The following ITGA9 variants were observed in gnomAD, a reference collection of about 807,000 sequenced individuals.
ITGA9 encodes integrin subunit alpha 9.
ITGA9 carries 56 observed loss-of-function variants against 127.8 expected under a neutral mutation model. The ratio of observed to expected loss-of-function variants is 0.44; its 90% CI spans 0.35 to 0.55. The LOEUF is 0.55. ITGA9 is among the 20% of genes least tolerant of loss of function. The pLI, the probability that ITGA9 is intolerant of heterozygous loss-of-function variation, is 0.00. For missense variants in ITGA9, 1,196 were observed against 1,347.1 expected (o/e 0.89, Z 1.76); for synonymous variants, 508 against 514.5 (o/e 0.99, Z 0.17).
intron 23 of ITGA9, 101 bp from the exon 24 acceptor site, chr3:37,777,291 T>G: frequency 1.5e-6 from 2 of 1,321,620 alleles, no homozygotes; most frequent in Non-Finnish European, 2.2e-6. Context: ...GGAGGAAAGG[T>G]GAATTGGGGT....
At chr3:37,769,898 T>C (rs1696822698) in intron 23 of ITGA9, among the ~76,000 whole-genome samples, 1 of 152,124 alleles carries the variant, frequency 6.6e-6, no homozygotes, top group African/African-American at 2.4e-5. Flanking sequence ...CAGGTGGTGT[T>C]TGGGCTTCAG....
chr3:37,635,954 C>A (rs1438932338), intron 16 of ITGA9, among the ~76,000 whole-genome samples: 1 of 151,796 alleles, frequency 6.6e-6, no homozygotes, highest in Non-Finnish European at 1.5e-5. Flanking sequence ...CTACAAAGGA[C>A]ACGAAGTCAT....
At chr3:37,779,766 T>A (rs1018116929) in intron 24 of ITGA9, 136 bp from the exon 25 acceptor site, 2 of 833,202 alleles carry the variant, frequency 2.4e-6, no homozygotes, top group Admixed American at 3.9e-5. Context: ...GAAAGAACGA[T>A]TGCATCTTCT....
chr3:37,695,858 G>A (rs1433500041), intron 18 of ITGA9, among the ~76,000 whole-genome samples: 1 of 152,222 alleles, frequency 6.6e-6, no homozygotes. Flanking sequence ...TAAGAAATGG[G>A]CATTTCAGGG....
chr3:37,651,330 T>G (rs1387292303), intron 16 of ITGA9, among the ~76,000 whole-genome samples: 1 of 152,232 alleles, frequency 6.6e-6, no homozygotes, highest in Non-Finnish European at 1.5e-5. Flanking sequence ...TCTTTGCATC[T>G]CACATGGCTA....
intron 8 of ITGA9, among the ~76,000 whole-genome samples, chr3:37,513,397 T>C (rs1181462867): frequency 1.3e-5 from 2 of 152,206 alleles, no homozygotes; most frequent in Non-Finnish European, 2.9e-5. Context: ...GGGGGCAGCA[T>C]AGCCATCCAG....
chr3:37,602,709 T>C (rs1456107785), intron 15 of ITGA9, among the ~76,000 whole-genome samples: 1 of 152,200 alleles, frequency 6.6e-6, no homozygotes, highest in Non-Finnish European at 1.5e-5. Context: ...ATAATGGCAT[T>C]TTGTATTACC....
At chr3:37,506,996 C>T (rs1286355805) in intron 7 of ITGA9, among the ~76,000 whole-genome samples, 3 of 152,284 alleles carry the variant, frequency 2.0e-5, no homozygotes, top group South Asian at 4.1e-4. Flanking sequence ...AGGGAGCTGA[C>T]GAACTTTCCA....
Position 37,672,767 on chromosome 3 carries a change from G to A in ITGA9, c.1917-11098G>A, listed in dbSNP as rs115592638. Among the ~76,000 whole-genome samples, 312 of 152,200 alleles carry A rather than the reference G, an allele frequency of 2.0e-3. 1 individual carries two copies. The highest frequency in any genetic ancestry group is 6.5e-3 in the African/African-American group (271 of 41,536). On this transcript the variant is annotated intron_variant, in intron 17 of 27. Coordinates refer to ENST00000264741, the MANE Select transcript of ITGA9 (RefSeq NM_002207.3). ...AAGTTGCAGGATAACCACAGGACAA[G>A]ACTAGTAGTTGGACAGAAATACCAA...
intron 23 of ITGA9, among the ~76,000 whole-genome samples, chr3:37,752,494 G>A (rs778607620): frequency 2.0e-5 from 3 of 152,274 alleles, no homozygotes; most frequent in South Asian, 2.1e-4. Context: ...CAGATTATAG[G>A]CATGGAGGGA....
intron 8 of ITGA9, among the ~76,000 whole-genome samples, chr3:37,512,506 C>T (rs556582824): frequency 8.0e-4 from 122 of 152,102 alleles, no homozygotes; most frequent in African/African-American, 2.8e-3. Flanking sequence ...GTCACCATGC[C>T]CGGCCTTCTT....
At chr3:37,735,134 A>G (rs1394662052) in intron 19 of ITGA9, among the ~76,000 whole-genome samples, 1 of 152,172 alleles carries the variant, frequency 6.6e-6, no homozygotes, top group Non-Finnish European at 1.5e-5. Context: ...CAGCCTGCCC[A>G]GTTTCTGACA....
chr3:37,773,290 T>C (rs951199785), intron 23 of ITGA9, among the ~76,000 whole-genome samples: 3 of 152,214 alleles, frequency 2.0e-5, no homozygotes, highest in Non-Finnish European at 4.4e-5. Context: ...CCAAATGTGT[T>C]TGGGTGGCCA....
At chr3:37,487,326 G>GAGGA (rs1698620217) in intron 4 of ITGA9, among the ~76,000 whole-genome samples, 1 of 152,182 alleles carries the variant, frequency 6.6e-6, no homozygotes, top group African/African-American at 2.4e-5. Context: ...GGGAGGAAGG[G>GAGGA]AGGGAGGCCC....
At chr3:37,550,293 G>A (rs1217456540) in intron 15 of ITGA9, among the ~76,000 whole-genome samples, 1 of 152,208 alleles carries the variant, frequency 6.6e-6, no homozygotes, top group South Asian at 2.1e-4. Flanking sequence ...AAGAAAGAGA[G>A]GTTAAGTAAC....
At chr3:37,487,541 A>T (rs1278311940) in intron 4 of ITGA9, among the ~76,000 whole-genome samples, 1 of 152,234 alleles carries the variant, frequency 6.6e-6, no homozygotes. Context: ...ACAGATTCAG[A>T]TTCACCTAAT....
chr3:37,664,934 G>GA (rs1286261075), intron 17 of ITGA9, among the ~76,000 whole-genome samples: 3 of 148,354 alleles, frequency 2.0e-5, no homozygotes, highest in African/African-American at 7.4e-5. Flanking sequence ...CAGCTCTGAA[G>GA]AAAAAATGCA....
In ITGA9 at chr3:37,741,725, C is replaced by T. The variant is rs755774806; in HGVS notation, c.2235-5C>T. The T allele has an allele frequency of 1.2e-6, 2 of 1,611,954 alleles. No homozygotes were observed. Among genetic ancestry groups the T allele is most frequent in the Non-Finnish European group, 1.7e-6 (2 of 1,178,736 alleles). On this transcript the variant is annotated splice_polypyrimidine_tract_variant and splice_region_variant and intron_variant, in intron 20 of 27. Transcript: ENST00000264741. ...GCGTTCATTCATTCTCCTCTCTCTGCACAGTGGCAACACGGAGCGCTCTGA... is the reference window on the plus strand; with the variant it reads ...GCGTTCATTCATTCTCCTCTCTCTGTACAGTGGCAACACGGAGCGCTCTGA...
rs778411283 is a variant in ITGA9, at chr3:37,481,611, A to G, written c.544+4A>G. On this transcript the variant is annotated splice_donor_region_variant and intron_variant, in intron 4 of 27. Coordinates refer to ENST00000264741, the MANE Select transcript of ITGA9 (RefSeq NM_002207.3). The stretch of plus-strand genomic sequence containing the variant: ...ACGCTGATCCCTTGCTATGAAGGTG[A>G]GCATGGATTGATTTTTCCTCATCCC... 3.7e-6 allele frequency: 6 copies of G among 1,614,128 alleles called. No homozygotes were observed. The South Asian group carries it at 5.5e-5, about 15-fold the overall frequency.
Sources: allele counts gnomAD v4.1 joint callset (sites outside exome capture counted in the v4.1 genomes callset), GRCh38; gene constraint gnomAD v4.1.1; transcripts MANE v1.5; gene names NCBI Gene and HGNC (gene_info 2026-07-23, HGNC 2026-07-21).